Variants in NTAQ1 observed in about 807,000 individuals in gnomAD.
NTAQ1 encodes N-terminal glutamine amidase 1.
In NTAQ1, 21 loss-of-function variants were observed where a neutral mutation model predicts 28.2. The observed-to-expected ratio is 0.74, with a 90% CI of 0.53 to 1.07. The LOEUF (loss-of-function observed/expected upper bound fraction) is 1.07. Ranked by LOEUF, NTAQ1 falls within the 50% of genes least tolerant of loss-of-function variation. The pLI is 0.00. For synonymous variants in NTAQ1, 105 were observed against 90.0 expected (o/e 1.17, Z -0.94); for missense variants, 264 against 256.6 (o/e 1.03, Z -0.20).
chr8:123,439,081 T>C (rs1274467221), intron 5 of NTAQ1, among the ~76,000 whole-genome samples: 4 of 152,102 alleles, frequency 2.6e-5, no homozygotes, highest in African/African-American at 9.7e-5. Context: ...GGCAATTCCT[T>C]TTGTTTTGAT....
At chr8:123,423,980 T>C (rs1020173004) in intron 1 of NTAQ1, among the ~76,000 whole-genome samples, 1 of 151,666 alleles carries the variant, frequency 6.6e-6, no homozygotes, top group Non-Finnish European at 1.5e-5. Context: ...CCTCTCGGGT[T>C]CAAGTGAGTC....
chr8:123,454,749 T>C (rs909649501), intron 6 of NTAQ1, among the ~76,000 whole-genome samples: 1 of 152,194 alleles, frequency 6.6e-6, no homozygotes, highest in African/African-American at 2.4e-5. Context: ...CAGCGGATAC[T>C]GTAGCTCAGT....
intron 3 of NTAQ1, among the ~76,000 whole-genome samples, chr8:123,433,616 T>C (rs1814525166): frequency 6.6e-6 from 1 of 152,076 alleles, no homozygotes. Context: ...CCCGGCTCGT[T>C]GTTGTATTTT....
At chr8:123,417,906 T>C (rs1252094420) in intron 1 of NTAQ1, among the ~76,000 whole-genome samples, 2 of 152,156 alleles carry the variant, frequency 1.3e-5, no homozygotes, top group African/African-American at 4.8e-5. Flanking sequence ...CAAGTGGTGG[T>C]GCTGAAACTG....
chr8:123,438,513 G>A (rs1387532683), intron 5 of NTAQ1, among the ~76,000 whole-genome samples: 2 of 151,910 alleles, frequency 1.3e-5, no homozygotes, highest in Non-Finnish European at 2.9e-5. Context: ...AAAATTAGCC[G>A]GGTGTGGTGG....
chr8:123,458,461 C>T (rs906967924), intron 6 of NTAQ1, among the ~76,000 whole-genome samples: 1 of 151,982 alleles, frequency 6.6e-6, no homozygotes, highest in Non-Finnish European at 1.5e-5. Flanking sequence ...CATTAAACAG[C>T]TAAGTAGCTG....
intron 6 of NTAQ1, among the ~76,000 whole-genome samples, chr8:123,457,052 AATCT>A (rs1172416922): frequency 2.0e-5 from 3 of 152,132 alleles, no homozygotes; most frequent in Non-Finnish European, 2.9e-5. Context: ...TTTTTTAAAA[AATCT>A]ATCTATACAT....
At chr8:123,455,102 A>AAAG (rs1176336251) in intron 6 of NTAQ1, 1 of 152,254 alleles carries the variant, frequency 6.6e-6, no homozygotes, top group African/African-American at 2.4e-5. Flanking sequence ...TGCCACACGC[A>AAAG]AAGCTCTGTC....
chr8:123,464,241 G>A (rs778417181), intron 6 of NTAQ1, among the ~76,000 whole-genome samples: 18 of 152,166 alleles, frequency 1.2e-4, no homozygotes, highest in Non-Finnish European at 2.1e-4. Flanking sequence ...TACCCCTAAA[G>A]GGACCAGTCA....
chr8:123,432,962 G>A (rs1814488459), intron 3 of NTAQ1, among the ~76,000 whole-genome samples: 1 of 152,270 alleles, frequency 6.6e-6, no homozygotes, highest in South Asian at 2.1e-4. Flanking sequence ...GTACAGGCGT[G>A]AGCCACTGTG....
exon 7 of NTAQ1, among the ~76,000 whole-genome samples, chr8:123,469,164 A>G (rs908349242): frequency 6.6e-6 from 1 of 152,358 alleles, no homozygotes; most frequent in Non-Finnish European, 1.5e-5. Context: ...CTTCAATTCC[A>G]TAAGTTGCCT....
downstream of NTAQ1, among the ~76,000 whole-genome samples, chr8:123,444,810 A>G (rs1815209375): frequency 1.3e-5 from 2 of 152,206 alleles, no homozygotes; most frequent in African/African-American, 4.8e-5. Flanking sequence ...TGCCCAGCCT[A>G]AAGCAGAATT....
intron 6 of NTAQ1, among the ~76,000 whole-genome samples, chr8:123,466,040 G>A (rs999038801): frequency 6.6e-6 from 1 of 152,202 alleles, no homozygotes; most frequent in Non-Finnish European, 1.5e-5. Flanking sequence ...CTCTGGGAGG[G>A]TGAGAGGAAG....
At chr8:123,451,776 C>A (rs1209137130), downstream of NTAQ1, among the ~76,000 whole-genome samples, 1 of 152,200 alleles carries the variant, frequency 6.6e-6, no homozygotes, top group African/African-American at 2.4e-5. Context: ...AATAAAGGAA[C>A]AACTCCTGTC....
At chr8:123,435,671 A>G (rs773982328) in intron 3 of NTAQ1, 74 of 271,424 alleles carry the variant, frequency 2.7e-4, no homozygotes, top group Non-Finnish European at 3.9e-4. Context: ...GTTGGAGACC[A>G]GCCTGGCCAA....
At chr8:123,423,355 CTTTCCTTCCTTTCCCTCCT>C (rs1248069236) in intron 1 of NTAQ1, among the ~76,000 whole-genome samples, 2 of 101,310 alleles carry the variant, frequency 2.0e-5, no homozygotes, top group Admixed American at 9.0e-5. Flanking sequence ...CCTTTCCCTC[CTTTCCTTCCTTTCCCTCCT>C]TTTCCTCCCT....
Position 123,466,639 on chromosome 8 carries a change from C to T in NTAQ1, c.373-440C>T, listed in dbSNP as rs567874106. On this transcript the variant is annotated intron_variant, in intron 6 of 6. Coordinates refer to the NTAQ1 transcript ENST00000650311. ...GGAGTGAGGACAAGATTCTTTTCTCCTGCTGCCCCTCCTCCCTTTTCCCCC... is the reference window on the plus strand; with the variant it reads ...GGAGTGAGGACAAGATTCTTTTCTCTTGCTGCCCCTCCTCCCTTTTCCCCC... 3.2e-4 allele frequency among the ~76,000 whole-genome samples: 49 copies of T among 152,320 alleles called. No homozygotes were observed. In the Middle Eastern group the frequency reaches 0.01, roughly 32 times the overall value.
intron 5 of NTAQ1, among the ~76,000 whole-genome samples, chr8:123,438,510 G>A (rs1157213205): frequency 6.6e-6 from 1 of 151,936 alleles, no homozygotes; most frequent in Non-Finnish European, 1.5e-5. Flanking sequence ...ACAAAAATTA[G>A]CCGGGTGTGG....
intron 1 of NTAQ1, among the ~76,000 whole-genome samples, chr8:123,421,580 C>G (rs1813695946): frequency 6.8e-6 from 1 of 147,130 alleles, no homozygotes; most frequent in African/African-American, 2.5e-5. Context: ...TCGATCTCGG[C>G]TCACTGCAAC....
Sources: allele counts gnomAD v4.1 joint callset (sites outside exome capture counted in the v4.1 genomes callset), GRCh38; gene constraint gnomAD v4.1.1; transcripts MANE v1.5; gene names NCBI Gene and HGNC (gene_info 2026-07-23, HGNC 2026-07-21).